Variants in C8orf34 observed in about 807,000 individuals in gnomAD.
C8orf34 encodes chromosome 8 open reading frame 34.
In C8orf34, 65 loss-of-function variants were observed where a neutral mutation model predicts 68.3. The observed-to-expected ratio is 0.95, with a 90% CI of 0.78 to 1.17. The LOEUF is 1.17. Ranked by LOEUF, C8orf34 falls within the 50% of genes most tolerant of loss-of-function variation. The pLI, the probability that C8orf34 is intolerant of heterozygous loss-of-function variation, is 0.00. For missense variants in C8orf34, 664 were observed against 655.4 expected (o/e 1.01, Z -0.14); for synonymous variants, 244 against 241.2 (o/e 1.01, Z -0.11).
At chr8:68,467,406 G>A (rs968318794) in intron 3 of C8orf34, among the ~76,000 whole-genome samples, 1 of 151,966 alleles carries the variant, frequency 6.6e-6, no homozygotes, top group African/African-American at 2.4e-5. Flanking sequence ...AATATGATCA[G>A]AGACAAGTAA....
chr8:68,629,251 C>T (rs914454258), intron 7 of C8orf34, among the ~76,000 whole-genome samples: 1 of 152,102 alleles, frequency 6.6e-6, no homozygotes, highest in Non-Finnish European at 1.5e-5. Context: ...GTCTACCAGA[C>T]GTCCATATGT....
intron 12 of C8orf34, among the ~76,000 whole-genome samples, chr8:68,788,749 C>T (rs1040649684): frequency 2.0e-5 from 3 of 151,980 alleles, no homozygotes; most frequent in African/African-American, 7.3e-5. Context: ...GTCCCAGCTC[C>T]TTGGGAGGCT....
chr8:68,562,438 A>G (rs558329324), intron 7 of C8orf34, among the ~76,000 whole-genome samples: 4 of 152,306 alleles, frequency 2.6e-5, no homozygotes, highest in Admixed American at 1.3e-4. Flanking sequence ...TCATTTCTGC[A>G]GTTTGACTCT....
chr8:68,343,718 C>A (rs754090862), intron 1 of C8orf34, among the ~76,000 whole-genome samples: 1 of 151,920 alleles, frequency 6.6e-6, no homozygotes, highest in Admixed American at 6.6e-5. Context: ...CTCAGCCTCA[C>A]GAGTAGCTGG....
chr8:68,630,967 T>A (rs868193518), intron 7 of C8orf34, among the ~76,000 whole-genome samples: 1,417 of 137,130 alleles, frequency 0.01, 18 homozygotes, highest in African/African-American at 0.035. Context: ...TTTTTTTTTT[T>A]AAAAAACAGG....
At chr8:68,443,354 A>G (rs566047906) in intron 2 of C8orf34, among the ~76,000 whole-genome samples, 1 of 152,242 alleles carries the variant, frequency 6.6e-6, no homozygotes, top group Non-Finnish European at 1.5e-5. Context: ...TGCCAATTTA[A>G]ACCCTGACTG....
At chr8:68,708,724 C>G (rs528396881) in intron 8 of C8orf34, among the ~76,000 whole-genome samples, 1 of 152,252 alleles carries the variant, frequency 6.6e-6, no homozygotes, top group Admixed American at 6.5e-5. Context: ...GCTTCTAAAC[C>G]TTTCTACGGT....
intron 7 of C8orf34, chr8:68,534,749 C>T (rs879293379): frequency 2.0e-6 from 2 of 985,234 alleles, no homozygotes; most frequent in African/African-American, 3.5e-5. Flanking sequence ...AGGGAAGGGG[C>T]AACTGAGATC....
At chr8:68,575,956 G>GTTTT (rs59081528) in intron 7 of C8orf34, among the ~76,000 whole-genome samples, 114 of 96,178 alleles carry the variant, frequency 1.2e-3, no homozygotes, top group Middle Eastern at 7.0e-3. Flanking sequence ...GTAGATGGTT[G>GTTTT]TTTTTTTTTT....
At chr8:68,353,729 T>A (rs1199880747) in intron 1 of C8orf34, among the ~76,000 whole-genome samples, 3 of 150,670 alleles carry the variant, frequency 2.0e-5, no homozygotes, top group Non-Finnish European at 3.0e-5. Context: ...GCAAAAAAAA[T>A]TGCATCTGTA....
chr8:68,679,794 G>A (rs75254466), intron 8 of C8orf34, among the ~76,000 whole-genome samples: 31 of 152,178 alleles, frequency 2.0e-4, no homozygotes, highest in East Asian at 5.8e-4. Flanking sequence ...AAGTGAACTC[G>A]TTTTCAACAA....
intron 4 of C8orf34, among the ~76,000 whole-genome samples, chr8:68,480,291 T>A (rs914170048): frequency 1.3e-5 from 2 of 152,134 alleles, no homozygotes; most frequent in African/African-American, 2.4e-5. Flanking sequence ...GCCTCTGCCA[T>A]ATAAGAAATG....
intron 7 of C8orf34, among the ~76,000 whole-genome samples, chr8:68,555,019 C>CT (rs35601591): frequency 6.6e-6 from 1 of 152,042 alleles, no homozygotes; most frequent in Non-Finnish European, 1.5e-5. Context: ...TATTTTGCCA[C>CT]TTTTTTATGT....
In C8orf34 at chr8:68,570,266, A is replaced by G. The variant is rs61333430; in HGVS notation, c.1105+37117A>G. Among the ~76,000 whole-genome samples, 548 of 152,272 alleles carry G rather than the reference A, an allele frequency of 3.6e-3. 5 individuals carry two copies. Among genetic ancestry groups the G allele is most frequent in the African/African-American group, 0.013 (520 of 41,556 alleles). On this transcript the variant is annotated intron_variant, in intron 7 of 13. Coordinates refer to ENST00000518698, the MANE Select transcript of C8orf34 (RefSeq NM_052958.4). ...CTTCGTTGTTTATCTTTGTTTCCATATATATTTGCAATTACTCTTTCCTAC... is the reference window on the plus strand; with the variant it reads ...CTTCGTTGTTTATCTTTGTTTCCATGTATATTTGCAATTACTCTTTCCTAC...
At chr8:68,516,020 A>G (rs2129633721) in intron 5 of C8orf34, among the ~76,000 whole-genome samples, 1 of 152,340 alleles carries the variant, frequency 6.6e-6, no homozygotes, top group South Asian at 2.1e-4. Flanking sequence ...CCAAACATCT[A>G]ATGTGTTTGT....
At position 68,625,513 on chromosome 8, in the gene C8orf34, A is replaced by G. The variant is rs2130663543; in HGVS notation, c.1106-14863A>G. On this transcript the variant is annotated intron_variant, in intron 7 of 13. Transcript: ENST00000518698. ...TTGTAAAATTCCACTTGGGGTGGCG[A>G]TGCTTTGTGGCTTGAAGTGTAAGGG... is the stretch of plus-strand genomic sequence containing the variant. The G allele has an allele frequency of 9.7e-6, 6 of 619,360 alleles. No individual in the cohort carries two copies. In the South Asian group the frequency reaches 1.1e-4, roughly 11 times the overall value. 38.4% of individuals were successfully genotyped at this position (619,360 alleles called of 1,614,324 possible).
At chr8:68,390,319 T>C (rs554628597) in intron 1 of C8orf34, among the ~76,000 whole-genome samples, 12 of 152,232 alleles carry the variant, frequency 7.9e-5, no homozygotes, top group African/African-American at 2.6e-4. Context: ...AAAAGAAAAG[T>C]TTGAGAGAGA....
intron 7 of C8orf34, among the ~76,000 whole-genome samples, chr8:68,536,942 AG>A (rs1462297934): frequency 6.6e-6 from 1 of 152,176 alleles, no homozygotes; most frequent in African/African-American, 2.4e-5. Context: ...ATAGTCATTG[AG>A]TTTCTATTAC....
At chr8:68,671,806 T>TA (rs1820019597) in intron 8 of C8orf34, among the ~76,000 whole-genome samples, 1 of 152,160 alleles carries the variant, frequency 6.6e-6, no homozygotes, top group African/African-American at 2.4e-5. Context: ...TAAGTCAATA[T>TA]GGGGCTTCTA....
Sources: allele counts gnomAD v4.1 joint callset (sites outside exome capture counted in the v4.1 genomes callset), GRCh38; gene constraint gnomAD v4.1.1; transcripts MANE v1.5; gene names NCBI Gene and HGNC (gene_info 2026-07-23, HGNC 2026-07-21).